The following TMEM132C variants were observed in gnomAD, a reference collection of about 807,000 sequenced individuals.
TMEM132C encodes the protein transmembrane protein 132C, also known as protein phosphatase 1, regulatory subunit 152.
Under a neutral mutation model 61.4 loss-of-function variants are expected in TMEM132C, and 29 were observed. That is an observed-to-expected ratio of 0.47 (90% CI 0.35 to 0.64). The LOEUF is 0.64. TMEM132C is among the 30% of genes least tolerant of loss of function. The pLI, the probability that TMEM132C is intolerant of heterozygous loss-of-function variation, is 0.00. For synonymous variants in TMEM132C, 656 were observed against 633.1 expected (o/e 1.04, Z -0.54); for missense variants, 1,408 against 1,476.9 (o/e 0.95, Z 0.76).
At chr12:128,688,212 A>G (rs540915397) in intron 5 of TMEM132C, among the ~76,000 whole-genome samples, 116 of 152,306 alleles carry the variant, frequency 7.6e-4, no homozygotes, top group Admixed American at 1.5e-3. Flanking sequence ...GAACAGCCAC[A>G]TGGCAGGAAG....
At chr12:128,588,066 G>A (rs973101850) in intron 3 of TMEM132C, among the ~76,000 whole-genome samples, 2 of 152,168 alleles carry the variant, frequency 1.3e-5, no homozygotes, top group African/African-American at 4.8e-5. Context: ...GCACTTTGGT[G>A]TACCCTCATT....
chr12:128,438,791 C>T (rs1401483578), intron 2 of TMEM132C: 1 of 152,194 alleles, frequency 6.6e-6, no homozygotes, highest in East Asian at 1.9e-4. Flanking sequence ...CTCTGGAAGC[C>T]ACCAATCTGC....
rs1954028093 is a variant in TMEM132C at position 128,627,613 on chromosome 12, A to G, written c.1305+11278A>G. Among the ~76,000 whole-genome samples the G allele has an allele frequency of 5.3e-5, 8 of 152,110 alleles. No homozygotes were observed. In the South Asian group the frequency reaches 1.5e-3, roughly 28 times the overall value. ...TAACAGACATAAGGTTCCTGTGCCC[A>G]AGCACCGGCACCCCAGGCATTATCT... is the stretch of plus-strand genomic sequence containing the variant. On this transcript the variant is annotated intron_variant, in intron 4 of 8. Transcript: ENST00000435159.
At position 128,462,903 on chromosome 12, in the gene TMEM132C, G is replaced by T. The variant is rs574595289; in HGVS notation, c.974+47283G>T. Among the ~76,000 whole-genome samples, 10 of 152,286 alleles carry T rather than the reference G, an allele frequency of 6.6e-5. No homozygotes were observed. The South Asian group carries it at 2.1e-3, about 32-fold the overall frequency. On this transcript the variant is annotated intron_variant, in intron 2 of 8. Transcript: ENST00000435159. ...TAACAGCAGTTTAAACAAATAGTGG[G>T]TTGTTTTTCTCATAGATCAATACAC...
At chr12:128,488,688 T>C (rs1444321536) in intron 2 of TMEM132C, among the ~76,000 whole-genome samples, 1 of 151,556 alleles carries the variant, frequency 6.6e-6, no homozygotes, top group South Asian at 2.1e-4. Context: ...ATATTATAAA[T>C]ATTATAATAC....
intron 3 of TMEM132C, among the ~76,000 whole-genome samples, chr12:128,587,017 G>A (rs974390646): frequency 2.0e-5 from 3 of 152,220 alleles, no homozygotes; most frequent in African/African-American, 4.8e-5. Flanking sequence ...AGATACGTTG[G>A]GCCATAAAGG....
chr12:128,355,891 A>T (rs1336286212), intron 1 of TMEM132C, among the ~76,000 whole-genome samples: 8 of 152,026 alleles, frequency 5.3e-5, no homozygotes, highest in Admixed American at 5.2e-4. Context: ...ATAAAATTGC[A>T]GCCCCCTGGC....
intron 1 of TMEM132C, among the ~76,000 whole-genome samples, chr12:128,270,940 A>C (rs1267522487): frequency 6.6e-6 from 1 of 151,786 alleles, no homozygotes; most frequent in East Asian, 1.9e-4. Context: ...TTTTTTTTTC[A>C]AAGGCTCCCA....
intron 2 of TMEM132C, among the ~76,000 whole-genome samples, chr12:128,506,719 T>A (rs1872376197): frequency 6.6e-6 from 1 of 152,130 alleles, no homozygotes. Context: ...TCCCAGTGGC[T>A]CCCATGCTCC....
chr12:128,486,289 G>A (rs1871488871), intron 2 of TMEM132C, among the ~76,000 whole-genome samples: 3 of 152,174 alleles, frequency 2.0e-5, no homozygotes, highest in Admixed American at 2.0e-4. Flanking sequence ...AGAAGTGACA[G>A]CATTCTCCAG....
intron 2 of TMEM132C, among the ~76,000 whole-genome samples, chr12:128,435,299 G>C (rs1297953878): frequency 1.3e-5 from 2 of 152,194 alleles, no homozygotes; most frequent in African/African-American, 4.8e-5. Context: ...GCTGTTGCCA[G>C]TCCGGTGACC....
chr12:128,383,222 A>G (rs1192452195), intron 1 of TMEM132C, among the ~76,000 whole-genome samples: 1 of 152,082 alleles, frequency 6.6e-6, no homozygotes, highest in South Asian at 2.1e-4. Flanking sequence ...ATGAGCATAT[A>G]CACATGTCTG....
chr12:128,283,544 C>T (rs1326834640), intron 1 of TMEM132C, among the ~76,000 whole-genome samples: 5 of 152,108 alleles, frequency 3.3e-5, no homozygotes, highest in Non-Finnish European at 7.4e-5. Context: ...CTCTCTCTCT[C>T]TCCCTCTGTC....
At chr12:128,454,160 T>C (rs1722700257) in intron 2 of TMEM132C, among the ~76,000 whole-genome samples, 1 of 152,244 alleles carries the variant, frequency 6.6e-6, no homozygotes, top group African/African-American at 2.4e-5. Context: ...TAAGAAACTC[T>C]TAAGCACATT....
chr12:128,664,177 C>T (rs562315808), intron 4 of TMEM132C, among the ~76,000 whole-genome samples: 7 of 144,032 alleles, frequency 4.9e-5, no homozygotes, highest in South Asian at 2.1e-4. Flanking sequence ...CGCACCCACA[C>T]GCATGCACGC....
chr12:128,423,055 C>T (rs1042861389), intron 2 of TMEM132C, among the ~76,000 whole-genome samples: 1 of 152,070 alleles, frequency 6.6e-6, no homozygotes, highest in African/African-American at 2.4e-5. Flanking sequence ...GATAATGGAG[C>T]CTTCAGGACA....
intron 1 of TMEM132C, among the ~76,000 whole-genome samples, chr12:128,397,217 A>G (rs552743487): frequency 6.6e-6 from 1 of 152,182 alleles, no homozygotes; most frequent in South Asian, 2.1e-4. Flanking sequence ...TTCCTCCAGC[A>G]TACTGTGTCT....
In TMEM132C at chr12:128,349,519, G is replaced by T. The variant is rs562050661; in HGVS notation, c.86-65213G>T. On this transcript the variant is annotated intron_variant, in intron 1 of 8. Transcript: ENST00000435159. ...ACAAAGGAAGAGATAGTTGAGACAA[G>T]CACTCCCCACCTCCCTAAAATTCTA... Among the ~76,000 whole-genome samples, 128 of 152,240 alleles carry T rather than the reference G, an allele frequency of 8.4e-4. 1 individual carries two copies. The South Asian group carries it at 0.01, about 12-fold the overall frequency.
At position 128,509,313 on chromosome 12, in the gene TMEM132C, G is replaced by T. The variant is rs183164397; in HGVS notation, c.975-34644G>T. Among the ~76,000 whole-genome samples the T allele has an allele frequency of 2.7e-3, 405 of 152,182 alleles. 1 individual carries two copies. The highest frequency in any genetic ancestry group is 3.5e-3 in the Non-Finnish European group (239 of 68,004). ...GGGGAAAGAGCGGGCGGGAGGGGAA[G>T]GAGGAAAGGAAAGAAAAAGGGAAAA... On this transcript the variant is annotated intron_variant, in intron 2 of 8. Transcript: ENST00000435159.
Sources: gnomAD v4.1 joint callset for allele counts (sites outside exome capture counted in the v4.1 genomes callset) on GRCh38, gnomAD v4.1.1 for gene constraint, MANE v1.5 for transcripts, NCBI Gene and HGNC (gene_info 2026-07-23, HGNC 2026-07-21) for gene names.